POPDC3: variants seen among roughly 807,000 people sequenced by gnomAD.
POPDC3 encodes the protein popeye domain-containing protein 3.
POPDC3 carries 20 observed loss-of-function variants against 28.2 expected under a neutral mutation model. The ratio of observed to expected loss-of-function variants is 0.71; its 90% CI spans 0.50 to 1.03. The LOEUF is 1.03. POPDC3 is among the 50% of genes least tolerant of loss of function. The pLI, the probability that POPDC3 is intolerant of heterozygous loss-of-function variation, is 0.00. For synonymous variants in POPDC3, 118 were observed against 124.1 expected, an observed-to-expected ratio of 0.95 and a Z score of 0.33; for missense variants, 316 against 345.9, an observed-to-expected ratio of 0.91 and a Z score of 0.69.
At chr6:105,165,875 A>G (rs1413014748) in intron 1 of POPDC3, among the ~76,000 whole-genome samples, 1 of 152,222 alleles carries the variant, frequency 6.6e-6, no homozygotes, top group Admixed American at 6.5e-5. Flanking sequence ...TCCCTAAGCT[A>G]AATTATCATT....
chr6:105,166,234 A>T (rs780984878), intron 1 of POPDC3, among the ~76,000 whole-genome samples: 6 of 152,202 alleles, frequency 3.9e-5, no homozygotes, highest in Non-Finnish European at 8.8e-5. Flanking sequence ...GTGGAGTAGA[A>T]GATGATTCCA....
At chr6:105,158,805 C>T in intron 3 of POPDC3, 54 bp from the exon 4 acceptor site, 1 of 1,456,042 alleles carries the variant, frequency 6.9e-7, no homozygotes, top group East Asian at 2.3e-5. Flanking sequence ...AAACTTCTGC[C>T]ACATTTTTAG....
chr6:105,177,585 T>C (rs1774705236), intron 1 of POPDC3, among the ~76,000 whole-genome samples: 1 of 152,236 alleles, frequency 6.6e-6, no homozygotes, highest in Admixed American at 6.5e-5. Context: ...TCTTTCTCTG[T>C]GCAGGTACTA....
chr6:105,174,350 A>G (rs1320246838), intron 1 of POPDC3, among the ~76,000 whole-genome samples: 1 of 152,280 alleles, frequency 6.6e-6, no homozygotes, highest in African/African-American at 2.4e-5. Context: ...GAAATTTTGA[A>G]ACCAAACTTA....
chr6:105,165,281 AC>A (rs1454580201), intron 1 of POPDC3, among the ~76,000 whole-genome samples: 1 of 152,232 alleles, frequency 6.6e-6, no homozygotes, highest in African/African-American at 2.4e-5. Flanking sequence ...GATATTTCAG[AC>A]TTACCCTATA....
intron 1 of POPDC3, among the ~76,000 whole-genome samples, chr6:105,173,448 G>A (rs985032905): frequency 6.6e-6 from 1 of 152,154 alleles, no homozygotes; most frequent in Non-Finnish European, 1.5e-5. Flanking sequence ...ATCTTGAATG[G>A]AGGAGTAAGT....
intron 1 of POPDC3, among the ~76,000 whole-genome samples, chr6:105,162,454 G>T (rs559896569): frequency 6.6e-6 from 1 of 152,152 alleles, no homozygotes; most frequent in Non-Finnish European, 1.5e-5. Flanking sequence ...AATGCGGGCC[G>T]GGCGAGGTGG....
At chr6:105,159,054 CTGA>C in intron 3 of POPDC3, 1 of 238,384 alleles carries the variant, frequency 4.2e-6, no homozygotes, top group Non-Finnish European at 8.0e-6. Context: ...AAAAAGTTGG[CTGA>C]TGTTACAGAA....
At chr6:105,178,325 G>A (rs1293566032) in intron 1 of POPDC3, among the ~76,000 whole-genome samples, 1 of 152,148 alleles carries the variant, frequency 6.6e-6, no homozygotes, top group African/African-American at 2.4e-5. Flanking sequence ...TGTGTCAACC[G>A]TATTAGTCAG....
chr6:105,176,739 TAG>T (rs1208394660), intron 1 of POPDC3, among the ~76,000 whole-genome samples: 1 of 152,072 alleles, frequency 6.6e-6, no homozygotes, highest in African/African-American at 2.4e-5. Context: ...GTATTTTTAG[TAG>T]AGACACGGGG....
rs986373190 is a variant in POPDC3, at chr6:105,158,596, T to C, written c.750A>G (p.Val250=). ...CATAGTGATATCTTTTTCCTATATA[T>C]ACCCTGTCATTCAAGGCATAGAGTT... ...ADKLYALNDR[V]YIGKRYHYDI... is the part of the protein sequence containing the mutation. The change falls in exon 4 of 4, where the codon GTA becomes GTG. Residue 250 remains valine (V), a synonymous_variant. Coordinates refer to ENST00000254765, the MANE Select transcript of POPDC3 (RefSeq NM_022361.5). 3.7e-6 allele frequency: 6 copies of C among 1,614,040 alleles called. No homozygotes were observed. The African/African-American group carries it at 8.0e-5, about 22-fold the overall frequency.
At chr6:105,179,183 AT>A (rs1156870773) in intron 1 of POPDC3, 1 of 985,294 alleles carries the variant, frequency 1.0e-6, no homozygotes, top group Non-Finnish European at 1.2e-6. Flanking sequence ...TGATAAGACA[AT>A]TTAGGGGTTG....
At chr6:105,179,072 G>T (rs901723499) in intron 1 of POPDC3, 2 of 985,250 alleles carry the variant, frequency 2.0e-6, no homozygotes, top group African/African-American at 3.5e-5. Flanking sequence ...ATGTCTTCTG[G>T]CTAAATTTTT....
chr6:105,179,608 C>T (rs1307267815), intron 1 of POPDC3, among the ~76,000 whole-genome samples: 8 of 152,096 alleles, frequency 5.3e-5, no homozygotes, highest in Admixed American at 4.6e-4. Flanking sequence ...CTGTGAGCGG[C>T]GACACAGCCG....
At chr6:105,169,603 A>G (rs1459660785) in intron 1 of POPDC3, 1 of 152,204 alleles carries the variant, frequency 6.6e-6, no homozygotes, top group Non-Finnish European at 1.5e-5. Flanking sequence ...TACAGCCCAG[A>G]GAAACTCAAA....
rs141843544 is a variant in POPDC3, at chr6:105,161,785, A to T, written c.125T>A (p.Met42Lys). 1.2e-6 allele frequency: 2 copies of T among 1,614,218 alleles called. No homozygotes were observed. The highest frequency in any genetic ancestry group is 1.7e-6 in the Non-Finnish European group (2 of 1,180,042). ...GAGCCCGAAGAATCCACTGCCACCC[A>T]TGAAACCTACTACAAATAAAATACT... ...LASILFVVGF[M>K]GGSGFFGLLY... Residue 42 changes from methionine to lysine, a missense_variant, in exon 2 of 4, where the codon ATG becomes AAG. Coordinates refer to ENST00000254765, the MANE Select transcript of POPDC3 (RefSeq NM_022361.5).
chr6:105,159,865 G>C, intron 2 of POPDC3, 46 bp from the exon 3 acceptor site: 16 of 1,330,616 alleles, frequency 1.2e-5, no homozygotes, highest in Non-Finnish European at 1.7e-5. Context: ...GAGAAAGAGA[G>C]CACATAATTG....
chr6:105,173,856 G>GA (rs11327500), intron 1 of POPDC3, among the ~76,000 whole-genome samples: 21 of 149,226 alleles, frequency 1.4e-4, no homozygotes, highest in East Asian at 3.9e-4. Flanking sequence ...TTCATAATGG[G>GA]AAAAAAAAAA....
At chr6:105,171,123 T>A (rs759711481) in intron 1 of POPDC3, among the ~76,000 whole-genome samples, 14 of 152,206 alleles carry the variant, frequency 9.2e-5, no homozygotes, top group Non-Finnish European at 1.6e-4. Context: ...GAGGTATGTG[T>A]TTGCATTTTG....
Sources: gnomAD v4.1 joint callset for allele counts (sites outside exome capture counted in the v4.1 genomes callset) on GRCh38, gnomAD v4.1.1 for gene constraint, MANE v1.5 for transcripts, NCBI Gene and HGNC (gene_info 2026-07-23, HGNC 2026-07-21) for gene names.